PHF24: variants seen among roughly 807,000 people sequenced by gnomAD.
PHF24 encodes PHD finger protein 24, also known as Galpha inhibitory interacting protein.
PHF24 carries 25 observed loss-of-function variants against 42.6 expected under a neutral mutation model. That is an observed-to-expected ratio of 0.59 (90% CI 0.43 to 0.82). The LOEUF (loss-of-function observed/expected upper bound fraction) is 0.82, where lower values mean the gene tolerates loss of function less well. PHF24 is among the 40% of genes least tolerant of loss of function. The pLI, the probability that PHF24 is intolerant of heterozygous loss-of-function variation, is 0.00. For synonymous variants in PHF24, 185 were observed against 204.8 expected (o/e 0.90, Z 0.83); for missense variants, 470 against 538.1 (o/e 0.87, Z 1.25).
At chr9:34,778,639 A>T in the PHF24 span, among the ~76,000 whole-genome samples, 1 of 152,222 alleles carries the variant, frequency 6.6e-6, no homozygotes, top group Non-Finnish European at 1.5e-5. Flanking sequence ...AACAGAACTG[A>T]AGGGAGAAAT....
chr9:34,781,898 T>C, the PHF24 span, among the ~76,000 whole-genome samples: 1 of 152,236 alleles, frequency 6.6e-6, no homozygotes, highest in Non-Finnish European at 1.5e-5. Flanking sequence ...CTATTATTAA[T>C]GTGACATTTC....
chr9:34,810,328 C>A, the PHF24 span, among the ~76,000 whole-genome samples: 3 of 152,090 alleles, frequency 2.0e-5, no homozygotes, highest in African/African-American at 7.2e-5. Context: ...GGGGGGAGTC[C>A]CTGAGGTGCT....
At chr9:34,824,954 A>G in the PHF24 span, among the ~76,000 whole-genome samples, 12 of 152,126 alleles carry the variant, frequency 7.9e-5, no homozygotes, top group Non-Finnish European at 7.3e-5. Context: ...TTGAAAAACT[A>G]TGGTTTAGAG....
chr9:34,882,556 C>T, the PHF24 span, among the ~76,000 whole-genome samples: 2 of 147,348 alleles, frequency 1.4e-5, no homozygotes, highest in Admixed American at 6.6e-5. Flanking sequence ...ACAAGTATTC[C>T]TGTACACCAG....
chr9:34,692,138 A>T, the PHF24 span, among the ~76,000 whole-genome samples: 1 of 152,162 alleles, frequency 6.6e-6, no homozygotes, highest in Non-Finnish European at 1.5e-5. Flanking sequence ...ACTAAATGTG[A>T]AACGCCCAGT....
the PHF24 span, among the ~76,000 whole-genome samples, chr9:34,851,734 G>A: frequency 1.3e-5 from 2 of 152,016 alleles, no homozygotes; most frequent in Non-Finnish European, 1.5e-5. Flanking sequence ...GTTCCTATTC[G>A]GTCATCTTGG....
At chr9:34,706,805 G>A in the PHF24 span, among the ~76,000 whole-genome samples, 2 of 152,094 alleles carry the variant, frequency 1.3e-5, no homozygotes, top group Admixed American at 6.6e-5. Flanking sequence ...GGAGCCTGAC[G>A]TCAAAGGCCT....
At chr9:34,887,082 C>T in the PHF24 span, among the ~76,000 whole-genome samples, 9 of 152,176 alleles carry the variant, frequency 5.9e-5, no homozygotes, top group African/African-American at 1.2e-4. Flanking sequence ...TTCATCCTGC[C>T]AGTTGTTCAG....
At chr9:34,754,181 C>T in the PHF24 span, among the ~76,000 whole-genome samples, 5 of 151,938 alleles carry the variant, frequency 3.3e-5, no homozygotes, top group East Asian at 1.9e-4. Flanking sequence ...AAAAAGCTTC[C>T]GCACGCAAAG....
At chr9:34,835,076 C>T in the PHF24 span, 1 of 1,507,936 alleles carries the variant, frequency 6.6e-7, no homozygotes, top group Non-Finnish European at 9.0e-7. Context: ...TGGATGGGGG[C>T]CACTTAGGGC....
the PHF24 span, among the ~76,000 whole-genome samples, chr9:34,939,612 ACTGG>A: frequency 2.0e-5 from 3 of 152,224 alleles, no homozygotes. Context: ...ATGTGCCATC[ACTGG>A]CTGGAAGCAG....
intron 1 of PHF24, among the ~76,000 whole-genome samples, chr9:34,965,480 G>A (rs1826735801): frequency 6.6e-6 from 1 of 152,242 alleles, no homozygotes; most frequent in South Asian, 2.1e-4. Flanking sequence ...GAATAGCAGT[G>A]CTCCAAGAGC....
At chr9:34,823,639 C>T in the PHF24 span, among the ~76,000 whole-genome samples, 1 of 152,082 alleles carries the variant, frequency 6.6e-6, no homozygotes, top group South Asian at 2.1e-4. Flanking sequence ...AGTTAGGAGC[C>T]CAAAGGAAAG....
the PHF24 span, among the ~76,000 whole-genome samples, chr9:34,846,467 T>C: frequency 2.0e-5 from 3 of 152,032 alleles, no homozygotes; most frequent in African/African-American, 7.2e-5. Flanking sequence ...TCTTGTAAAT[T>C]TGTTTGAGTT....
the PHF24 span, among the ~76,000 whole-genome samples, chr9:34,703,278 C>T: frequency 1.3e-3 from 194 of 152,200 alleles, no homozygotes; most frequent in Non-Finnish European, 2.1e-3. Context: ...AAGCAATTCT[C>T]CTGCCTCAGC....
chr9:34,709,002 T>A, the PHF24 span: 1 of 230,728 alleles, frequency 4.3e-6, no homozygotes, highest in Non-Finnish European at 8.3e-6. Flanking sequence ...TGGGAACAGG[T>A]ACTTGGGTGG....
the PHF24 span, among the ~76,000 whole-genome samples, chr9:34,757,700 A>C: frequency 1.3e-5 from 2 of 151,392 alleles, no homozygotes; most frequent in East Asian, 3.9e-4. Context: ...TAGTTTCGTC[A>C]GTTGTAATCC....
chr9:34,914,694 T>A, the PHF24 span, among the ~76,000 whole-genome samples: 1 of 152,182 alleles, frequency 6.6e-6, no homozygotes, highest in Non-Finnish European at 1.5e-5. Flanking sequence ...TTCATCTCTA[T>A]TTACATCACA....
the PHF24 span, among the ~76,000 whole-genome samples, chr9:34,781,716 G>A: frequency 3.4e-3 from 518 of 151,058 alleles, 2 homozygotes; most frequent in Non-Finnish European, 6.0e-3. Context: ...CAGTAAGGCT[G>A]TTAGGGAAAA....
Sources: gnomAD v4.1 joint callset for allele counts (sites outside exome capture counted in the v4.1 genomes callset) on GRCh38, gnomAD v4.1.1 for gene constraint, MANE v1.5 for transcripts, NCBI Gene and HGNC (gene_info 2026-07-23, HGNC 2026-07-21) for gene names.